Variants in FANCD2 observed in about 807,000 individuals in gnomAD.
FANCD2 encodes the protein Fanconi anemia group D2 protein.
A neutral mutation model predicts 192.3 loss-of-function variants in FANCD2; 131 were observed. The observed-to-expected ratio is 0.68, with a 90% CI of 0.59 to 0.79. The LOEUF is 0.79. Among genes scored for constraint, FANCD2 ranks in the 30% least tolerant of loss-of-function variants. The pLI, the probability that FANCD2 is intolerant of heterozygous loss-of-function variation, is 0.00. For synonymous variants in FANCD2, 524 were observed against 612.5 expected, an observed-to-expected ratio of 0.86 and a Z score of 2.13; for missense variants, 1,508 against 1,701.6, an observed-to-expected ratio of 0.89 and a Z score of 2.00.
Position 10,032,911 on chromosome 3 carries a change from T to C in FANCD2, c.144T>C (p.Phe48=), listed in dbSNP as rs750534583. The C allele has an allele frequency of 2.5e-6, 4 of 1,602,644 alleles. No individual in the cohort carries two copies. Among genetic ancestry groups the C allele is most frequent in the Non-Finnish European group, 2.6e-6 (3 of 1,169,806 alleles). ...ANEVEENDSI[F]VKLLKISGII... is the part of the protein sequence containing the mutation. ...AAGTTGAAGAAAATGACAGCATCTT[T>C]GTAAAGCTTCTTAAGATATCAGGAA... The change falls in exon 3 of 44, where the codon TTT becomes TTC. Residue 48 remains phenylalanine, a synonymous_variant. Transcript: ENST00000675286.
At chr3:10,044,896 AC>A (rs2086958210) in intron 14 of FANCD2, among the ~76,000 whole-genome samples, 1 of 152,168 alleles carries the variant, frequency 6.6e-6, no homozygotes, top group African/African-American at 2.4e-5. Flanking sequence ...TTGTATTCTT[AC>A]TTTTTTTTCT....
chr3:10,063,797 C>T lies in FANCD2; in HGVS notation c.1833C>T (p.Thr611=), dbSNP rs181219364. 1.1e-4 allele frequency: 185 copies of T among 1,614,220 alleles called. No homozygotes were observed. In the African/African-American group the frequency reaches 2.0e-3, roughly 18 times the overall value. The change falls in exon 21 of 44, where the codon ACC becomes ACT. Residue 611 remains threonine (T), a synonymous_variant. Coordinates refer to ENST00000675286, the MANE Select transcript of FANCD2 (RefSeq NM_001018115.3). ...NLSDEQCTQV[T]SLLQLVHSCS... is the part of the protein sequence containing the mutation. Reference sequence around the variant, plus strand: ...ATTCTTCCTCTTTGCTCCAGGTGACCTCCTTGTTGCAGTTGGTTCATTCCT... The same window carrying T: ...ATTCTTCCTCTTTGCTCCAGGTGACTTCCTTGTTGCAGTTGGTTCATTCCT...
chr3:10,051,346 A>C (rs558337011), intron 17 of FANCD2, among the ~76,000 whole-genome samples: 3 of 132,056 alleles, frequency 2.3e-5, no homozygotes, highest in Admixed American at 9.4e-5. Flanking sequence ...CCGCCACTGC[A>C]CTCCAGCCTG....
At chr3:10,078,918 C>T (rs377224413) in intron 30 of FANCD2, among the ~76,000 whole-genome samples, 2 of 150,934 alleles carry the variant, frequency 1.3e-5, no homozygotes, top group Admixed American at 6.6e-5. Flanking sequence ...CAGTGCACTC[C>T]AGTCTGGGTG....
chr3:10,091,837 G>A (rs1694630978), intron 37 of FANCD2, among the ~76,000 whole-genome samples: 2 of 152,238 alleles, frequency 1.3e-5, no homozygotes, highest in Non-Finnish European at 2.9e-5. Flanking sequence ...GCGCACGTCT[G>A]TAATCTCAGC....
At chr3:10,085,743 G>A in intron 32 of FANCD2, 69 bp from the exon 33 acceptor site, 2 of 1,003,824 alleles carry the variant, frequency 2.0e-6, no homozygotes. Flanking sequence ...CTGGAGGCCA[G>A]GATCCTTAAA....
intron 17 of FANCD2, among the ~76,000 whole-genome samples, chr3:10,051,932 G>A (rs1336685432): frequency 6.6e-6 from 1 of 152,028 alleles, no homozygotes; most frequent in Non-Finnish European, 1.5e-5. Context: ...TTGAGTAGAA[G>A]CTGGGAAGGG....
Position 10,054,816 on chromosome 3 carries a change from C to G in FANCD2, c.1656+2319C>G, listed in dbSNP as rs952480006. 4.0e-5 allele frequency among the ~76,000 whole-genome samples: 6 copies of G among 151,470 alleles called. No individual in the cohort carries two copies. The South Asian group carries it at 6.3e-4, about 16-fold the overall frequency. ...CATATTTTTTATCTTTTTTTCCCCC[C>G]CTTTCTTGGATCCCCAGTCAGCACA... On this transcript the variant is annotated intron_variant, in intron 18 of 43. Coordinates refer to ENST00000675286, the MANE Select transcript of FANCD2 (RefSeq NM_001018115.3).
rs371299677 is a variant in FANCD2, at chr3:10,093,230, G to A, written c.3850-55G>A. ...TGCTTTGCGCAGCGGGAAAGAGGCT[G>A]GAGTGCTCAAAGGAGCAGATCTCAG... On this transcript the variant is annotated intron_variant, in intron 38 of 43. Transcript: ENST00000675286. 36 of 1,394,888 alleles carry A rather than the reference G, an allele frequency of 2.6e-5. 2 individuals are homozygous for A. The South Asian group carries it at 3.8e-4, about 15-fold the overall frequency. The allele number at this position is 1,394,888 out of a possible 1,614,324, so 86.4% of individuals were successfully genotyped here.
intron 25 of FANCD2, 63 bp downstream of exon 25, chr3:10,066,042 A>C: frequency 1.9e-6 from 2 of 1,039,952 alleles, no homozygotes; most frequent in Non-Finnish European, 2.9e-6. Context: ...CTATTTTCTT[A>C]GTTCCCACAA....
chr3:10,099,943 C>T (rs746902945), intron 43 of FANCD2, among the ~76,000 whole-genome samples: 2 of 152,140 alleles, frequency 1.3e-5, no homozygotes, highest in South Asian at 2.1e-4. Flanking sequence ...CACCTGTAAT[C>T]GTAGCACTTT....
intron 39 of FANCD2, 89 bp downstream of exon 39, chr3:10,093,412 C>A (rs1694768355): frequency 8.8e-7 from 1 of 1,138,970 alleles, no homozygotes; most frequent in Non-Finnish European, 1.3e-6. Flanking sequence ...TGCTCAATTT[C>A]TTGCCCACAA....
chr3:10,032,431 T>C (rs1269792292), intron 2 of FANCD2: 2 of 281,744 alleles, frequency 7.1e-6, no homozygotes, highest in African/African-American at 5.0e-5. Context: ...CAGGTGTGCG[T>C]CTCCTCACCT....
At chr3:10,078,020 A>G in intron 29 of FANCD2, 61 bp from the exon 30 acceptor site, 5 of 1,242,282 alleles carry the variant, frequency 4.0e-6, no homozygotes, top group Non-Finnish European at 5.9e-6. Context: ...AAAGAAAGAA[A>G]AAAAATTATC....
chr3:10,031,659 C>G (rs982464016), intron 2 of FANCD2, among the ~76,000 whole-genome samples: 3 of 152,126 alleles, frequency 2.0e-5, no homozygotes, highest in Non-Finnish European at 2.9e-5. Context: ...GGGATTAAAC[C>G]TATCTGAGCA....
At chr3:10,060,144 G>A in intron 18 of FANCD2, 150 bp from the exon 19 acceptor site, 2 of 611,466 alleles carry the variant, frequency 3.3e-6, no homozygotes, top group East Asian at 5.8e-5. Context: ...TCTAGCCTAG[G>A]CAACAAGAAC....
chr3:10,085,030 A>G (rs555417460), intron 32 of FANCD2, among the ~76,000 whole-genome samples: 1 of 152,358 alleles, frequency 6.6e-6, no homozygotes, highest in South Asian at 2.1e-4. Context: ...GGACAATATG[A>G]AAGGTAATCC....
chr3:10,092,629 T>C (rs1387917615), intron 38 of FANCD2, among the ~76,000 whole-genome samples: 1 of 151,750 alleles, frequency 6.6e-6, no homozygotes, highest in Non-Finnish European at 1.5e-5. Context: ...ATCGTGGTTT[T>C]GCTCAGCTTG....
At chr3:10,057,895 T>G in intron 18 of FANCD2, 1 of 196,558 alleles carries the variant, frequency 5.1e-6, no homozygotes, top group Non-Finnish European at 1.1e-5. Context: ...TTCTGGTGTA[T>G]GAGATCTATT....
Sources: gnomAD v4.1 joint callset for allele counts (sites outside exome capture counted in the v4.1 genomes callset) on GRCh38, gnomAD v4.1.1 for gene constraint, MANE v1.5 for transcripts, NCBI Gene and HGNC (gene_info 2026-07-23, HGNC 2026-07-21) for gene names.